Variants in MAPK14 observed in about 807,000 individuals in gnomAD.
MAPK14 encodes the protein CSAID-binding protein.
A neutral mutation model predicts 49.6 loss-of-function variants in MAPK14; 16 were observed. The ratio of observed to expected loss-of-function variants is 0.32; its 90% CI spans 0.22 to 0.49. The LOEUF is 0.49. MAPK14 is among the 20% of genes least tolerant of loss of function. MAPK14 has a pLI of 0.99. For missense variants in MAPK14, 200 were observed against 441.2 expected (o/e 0.45, Z 4.90); for synonymous variants, 142 against 158.0 (o/e 0.90, Z 0.76).
chr6:36,083,330 G>C (rs1215591065), intron 8 of MAPK14, among the ~76,000 whole-genome samples: 1 of 152,220 alleles, frequency 6.6e-6, no homozygotes, highest in Non-Finnish European at 1.5e-5. Context: ...CCAAGGATCT[G>C]TGCAACCTGT....
downstream of MAPK14, among the ~76,000 whole-genome samples, chr6:36,115,122 G>GT (rs769277686): frequency 3.3e-5 from 5 of 152,220 alleles, no homozygotes; most frequent in Non-Finnish European, 7.3e-5. Flanking sequence ...CGCATAGCCA[G>GT]TGGGATAATG....
intron 9 of MAPK14, among the ~76,000 whole-genome samples, chr6:36,099,735 A>C (rs1365039871): frequency 6.6e-6 from 1 of 152,170 alleles, no homozygotes; most frequent in Non-Finnish European, 1.5e-5. Flanking sequence ...GCCTTGGAGA[A>C]CCTGTGCCGC....
chr6:36,040,357 T>C (rs1377831912), intron 1 of MAPK14, among the ~76,000 whole-genome samples: 3 of 152,196 alleles, frequency 2.0e-5, no homozygotes, highest in Non-Finnish European at 2.9e-5. Flanking sequence ...GAACCACTTA[T>C]ATAACCCTAT....
chr6:36,095,520 G>A (rs777653427), intron 8 of MAPK14, among the ~76,000 whole-genome samples: 3 of 152,116 alleles, frequency 2.0e-5, no homozygotes, highest in African/African-American at 4.8e-5. Context: ...TTCATAAATA[G>A]ACTTGTACAT....
Position 36,096,056 on chromosome 6 carries a change from C to G in MAPK14, c.752C>G (p.Ser251Cys). ...GGGGCTGAGCTTTTGAAGAAAATCT[C>G]CTCAGAGTCTGTGAGTTGATGCTTT... ...TPGAELLKKI[S>C]SESARNYIQS... Residue 251 changes from serine (S) to cysteine (C), a missense_variant, in exon 9 of 12, where the codon TCC (serine) becomes TGC (cysteine). Ser to Cys is a moderately radical substitution (Grantham distance 112). Transcript: ENST00000229794. 1 of 1,612,544 alleles carries G rather than the reference C, an allele frequency of 6.2e-7. No individual in the cohort carries two copies. The highest frequency in any genetic ancestry group is 8.5e-7 in the Non-Finnish European group (1 of 1,178,646).
At chr6:36,069,673 AT>A (rs950216472) in intron 3 of MAPK14, among the ~76,000 whole-genome samples, 3 of 152,132 alleles carry the variant, frequency 2.0e-5, no homozygotes, top group African/African-American at 7.2e-5. Flanking sequence ...GAGAAATTAC[AT>A]AGTGGTAAAC....
At chr6:36,045,448 G>C (rs534811062) in intron 1 of MAPK14, among the ~76,000 whole-genome samples, 3 of 152,238 alleles carry the variant, frequency 2.0e-5, no homozygotes, top group South Asian at 2.1e-4. Context: ...AACTGATTCT[G>C]TTCTCTTTGT....
At chr6:36,042,818 T>C (rs72657685) in intron 1 of MAPK14, among the ~76,000 whole-genome samples, 16,447 of 152,046 alleles carry the variant, frequency 0.11, 1,678 homozygotes, top group East Asian at 0.51. Context: ...TCTTATAAAA[T>C]CATTCTACTT....
intron 1 of MAPK14, among the ~76,000 whole-genome samples, chr6:36,051,192 T>C (rs1763381316): frequency 6.6e-6 from 1 of 151,784 alleles, no homozygotes; most frequent in African/African-American, 2.4e-5. Flanking sequence ...CTCAGCTCAC[T>C]GCAACCTCCG....
chr6:36,064,064 T>TTGTGTGTGTG (rs112138637), intron 3 of MAPK14, among the ~76,000 whole-genome samples: 1,968 of 149,598 alleles, frequency 0.013, 20 homozygotes, highest in Non-Finnish European at 0.019. Context: ...TGCCTTTTCT[T>TTGTGTGTGTG]TGTGTGTGTG....
intron 9 of MAPK14, among the ~76,000 whole-genome samples, chr6:36,099,669 TG>T (rs1174147123): frequency 2.0e-5 from 3 of 152,248 alleles, no homozygotes; most frequent in Non-Finnish European, 4.4e-5. Context: ...GTCTTTGAAA[TG>T]TGGCATTGCT....
intron 1 of MAPK14, among the ~76,000 whole-genome samples, chr6:36,049,303 C>T (rs973791631): frequency 3.9e-5 from 6 of 152,126 alleles, no homozygotes; most frequent in African/African-American, 1.4e-4. Context: ...CCAAGATCTC[C>T]TTTCCTTTCC....
chr6:36,100,554 C>T (rs1765598723), intron 9 of MAPK14, among the ~76,000 whole-genome samples: 1 of 152,144 alleles, frequency 6.6e-6, no homozygotes, highest in South Asian at 2.1e-4. Flanking sequence ...CTGCCTGTAG[C>T]TAGGGTGTGC....
chr6:36,047,146 AAG>A (rs1562106344), intron 1 of MAPK14, among the ~76,000 whole-genome samples: 1 of 152,196 alleles, frequency 6.6e-6, no homozygotes, highest in Non-Finnish European at 1.5e-5. Flanking sequence ...AGTGGAAAAG[AAG>A]AGAACCACCA....
intron 3 of MAPK14, among the ~76,000 whole-genome samples, chr6:36,061,943 A>G (rs1763837408): frequency 6.6e-6 from 1 of 152,214 alleles, no homozygotes; most frequent in Non-Finnish European, 1.5e-5. Flanking sequence ...ATATCACTGA[A>G]AAAATCACTG....
At chr6:36,038,836 A>G (rs1562098982) in intron 1 of MAPK14, among the ~76,000 whole-genome samples, 1 of 152,206 alleles carries the variant, frequency 6.6e-6, no homozygotes. Context: ...AAAAAGGAAG[A>G]TTAGTCTGCT....
intron 1 of MAPK14, among the ~76,000 whole-genome samples, chr6:36,042,000 G>A (rs1762979151): frequency 6.6e-6 from 1 of 151,992 alleles, no homozygotes; most frequent in Admixed American, 6.6e-5. Context: ...TTAGAAAGAT[G>A]GGTATTTGGA....
chr6:36,077,614 A>G lies in MAPK14; in HGVS notation c.682+1006A>G, dbSNP rs1010458244. Reference sequence around the variant, plus strand: ...TGATATCTACCCACGTGTTCTAACTATCTTCTGCTAGAGAGAATGTACTTT... The same window carrying G: ...TGATATCTACCCACGTGTTCTAACTGTCTTCTGCTAGAGAGAATGTACTTT... On this transcript the variant is annotated intron_variant, in intron 8 of 11. Coordinates refer to ENST00000229794, the MANE Select transcript of MAPK14 (RefSeq NM_139012.3). Among the ~76,000 whole-genome samples the G allele has an allele frequency of 4.6e-5, 7 of 152,162 alleles. 1 individual carries two copies. The highest frequency in any genetic ancestry group is 3.9e-4 in the Admixed American group (6 of 15,280).
At position 36,031,407 on chromosome 6, in the gene MAPK14, T is replaced by C. The variant is rs144285211; in HGVS notation, c.116+3134T>C. ...ATCCACTTTGGAGCCTGTGATATTC[T>C]TCTTCTTTTTTATTTTGAGACAGAG... On this transcript the variant is annotated intron_variant, in intron 1 of 11. Coordinates refer to ENST00000229794, the MANE Select transcript of MAPK14 (RefSeq NM_139012.3). 1.2e-3 allele frequency among the ~76,000 whole-genome samples: 187 copies of C among 152,230 alleles called. 2 individuals carry two copies. In the East Asian group the frequency reaches 0.034, roughly 28 times the overall value.
Sources: allele counts gnomAD v4.1 joint callset (sites outside exome capture counted in the v4.1 genomes callset), GRCh38; gene constraint gnomAD v4.1.1; transcripts MANE v1.5; gene names NCBI Gene and HGNC (gene_info 2026-07-23, HGNC 2026-07-21).